The following BBS9 variants were observed in gnomAD, a reference collection of about 807,000 sequenced individuals.
BBS9 encodes the protein Bardet-Biedl syndrome 9.
Under a neutral mutation model 117.7 loss-of-function variants are expected in BBS9, and 89 were observed. The ratio of observed to expected loss-of-function variants is 0.76; its 90% confidence interval spans 0.64 to 0.90. The LOEUF is 0.90. Among genes scored for constraint, BBS9 ranks in the 40% least tolerant of loss-of-function variants. The probability of loss-of-function intolerance (pLI) is 0.00; values close to 1 mark genes in which losing one functional copy is unlikely to be tolerated. For missense variants in BBS9, 982 were observed against 1,042.2 expected, an observed-to-expected ratio of 0.94 and a Z score of 0.80; for synonymous variants, 379 against 370.9, an observed-to-expected ratio of 1.02 and a Z score of -0.25.
At chr7:33,610,316 A>G (rs1367530346), downstream of BBS9, among the ~76,000 whole-genome samples, 2 of 152,144 alleles carry the variant, frequency 1.3e-5, no homozygotes, top group Admixed American at 1.3e-4. Flanking sequence ...CTATAACAGA[A>G]TACCACAGAC....
intron 19 of BBS9, among the ~76,000 whole-genome samples, chr7:33,463,990 G>A (rs1333364426): frequency 6.6e-6 from 1 of 152,018 alleles, no homozygotes; most frequent in Non-Finnish European, 1.5e-5. Context: ...ATTTTTAGAT[G>A]TGCTAATTTT....
chr7:33,366,209 T>C (rs1042929621), intron 16 of BBS9, among the ~76,000 whole-genome samples: 4 of 152,208 alleles, frequency 2.6e-5, no homozygotes, highest in African/African-American at 4.8e-5. Context: ...TGGCAAAAGA[T>C]GCTGGTGTCT....
chr7:33,326,881 C>A (rs1812967804), intron 9 of BBS9, among the ~76,000 whole-genome samples: 1 of 151,524 alleles, frequency 6.6e-6, no homozygotes, highest in African/African-American at 2.4e-5. Context: ...TCTTTACTCT[C>A]CTCTCTCCTC....
chr7:33,177,989 C>A (rs191347029), intron 5 of BBS9, among the ~76,000 whole-genome samples: 15 of 152,266 alleles, frequency 9.9e-5, no homozygotes, highest in African/African-American at 3.1e-4. Context: ...AAACTGAGCT[C>A]TTTTTGTGTG....
chr7:33,604,195 T>C (rs1002615035), intron 21 of BBS9, among the ~76,000 whole-genome samples: 4 of 152,190 alleles, frequency 2.6e-5, no homozygotes, highest in Non-Finnish European at 5.9e-5. Context: ...TCTCTCATGA[T>C]TGTGAGTTTC....
chr7:33,536,692 C>CCCGCCTTCCCCCCGCCCA, intron 21 of BBS9, among the ~76,000 whole-genome samples: 1 of 137,864 alleles, frequency 7.3e-6, no homozygotes, highest in South Asian at 2.7e-4. Flanking sequence ...CCCCCCGCCC[C>CCCGCCTTCCCCCCGCCCA]CCGCCTCCCC....
At chr7:33,148,215 A>G (rs931180695) in intron 2 of BBS9, among the ~76,000 whole-genome samples, 8 of 152,194 alleles carry the variant, frequency 5.3e-5, no homozygotes, top group Non-Finnish European at 2.9e-5. Flanking sequence ...TTGGGGATGA[A>G]CAATATGGTG....
chr7:33,372,368 T>C, intron 17 of BBS9, among the ~76,000 whole-genome samples: 1 of 152,216 alleles, frequency 6.6e-6, no homozygotes, highest in East Asian at 1.9e-4. Flanking sequence ...TGAAAGGATG[T>C]TGAATTTGTC....
chr7:33,384,739 A>C (rs1467702354), intron 18 of BBS9, among the ~76,000 whole-genome samples: 1 of 151,786 alleles, frequency 6.6e-6, no homozygotes, highest in African/African-American at 2.4e-5. Flanking sequence ...AGAGAGAGAG[A>C]GAATTACCAG....
At chr7:33,208,205 A>C (rs978924165) in intron 5 of BBS9, among the ~76,000 whole-genome samples, 9 of 152,228 alleles carry the variant, frequency 5.9e-5, no homozygotes, top group African/African-American at 2.2e-4. Flanking sequence ...TTCAGTATTT[A>C]TATGTTTCTT....
At chr7:33,627,080 G>C (rs78167227) in intron 21 of BBS9, among the ~76,000 whole-genome samples, 1 of 152,196 alleles carries the variant, frequency 6.6e-6, no homozygotes, top group African/African-American at 2.4e-5. Flanking sequence ...TCATAGGCCC[G>C]GAGGGTTAGG....
At chr7:33,203,717 A>ACTTTTATTTT (rs1554342417) in intron 5 of BBS9, among the ~76,000 whole-genome samples, 2 of 150,638 alleles carry the variant, frequency 1.3e-5, no homozygotes, top group Non-Finnish European at 3.0e-5. Context: ...TTGGAACACT[A>ACTTTTATTTT]CTTTTCTTTT....
intron 20 of BBS9, among the ~76,000 whole-genome samples, chr7:33,528,171 TAC>T (rs536716673): frequency 1.7e-3 from 258 of 152,298 alleles, no homozygotes; most frequent in Admixed American, 3.3e-3. Flanking sequence ...TTCCCTTTAA[TAC>T]AGTTTGTTAT....
intron 9 of BBS9, among the ~76,000 whole-genome samples, chr7:33,301,854 C>A (rs1315006494): frequency 2.0e-5 from 3 of 152,148 alleles, no homozygotes; most frequent in Non-Finnish European, 4.4e-5. Context: ...AACCTCCAAA[C>A]TGCTCTCCAT....
chr7:33,395,424 A>G (rs1827788778), intron 19 of BBS9, among the ~76,000 whole-genome samples: 1 of 152,114 alleles, frequency 6.6e-6, no homozygotes, highest in Admixed American at 6.6e-5. Flanking sequence ...AATTAGACTT[A>G]CCCTATGACT....
chr7:33,614,922 A>G (rs1483761508), intron 21 of BBS9, among the ~76,000 whole-genome samples: 1 of 152,100 alleles, frequency 6.6e-6, no homozygotes, highest in Non-Finnish European at 1.5e-5. Context: ...AGCATAAACT[A>G]CTGGAGTTTT....
chr7:33,236,333 A>AG, intron 5 of BBS9, among the ~76,000 whole-genome samples: 1 of 151,360 alleles, frequency 6.6e-6, no homozygotes, highest in Non-Finnish European at 1.5e-5. Flanking sequence ...CTCAAAAAAA[A>AG]AAAAAAAGAA....
chr7:33,552,226 T>G (rs1854546488), intron 21 of BBS9, among the ~76,000 whole-genome samples: 1 of 152,238 alleles, frequency 6.6e-6, no homozygotes, highest in Non-Finnish European at 1.5e-5. Context: ...TAATATCTGA[T>G]AGCAGAGACT....
intron 4 of BBS9, among the ~76,000 whole-genome samples, chr7:33,172,550 A>G (rs578203573): frequency 6.6e-6 from 1 of 152,222 alleles, no homozygotes; most frequent in African/African-American, 2.4e-5. Context: ...TTCCTATTTT[A>G]GCAACAATTT....
Sources: gnomAD v4.1 joint callset for allele counts (sites outside exome capture counted in the v4.1 genomes callset) on GRCh38, gnomAD v4.1.1 for gene constraint, MANE v1.5 for transcripts, NCBI Gene and HGNC (gene_info 2026-07-23, HGNC 2026-07-21) for gene names.